The following GLRA2 variants were observed in gnomAD, a reference collection of about 807,000 sequenced individuals.
The protein encoded by GLRA2 is glycine receptor alpha 2, also known as glycine receptor subunit alpha-2.
A neutral mutation model predicts 31.6 loss-of-function variants in GLRA2; 11 were observed. The ratio of observed to expected loss-of-function variants is 0.35; its 90% CI spans 0.22 to 0.58. GLRA2 has a LOEUF of 0.58. GLRA2 is among the 20% of genes least tolerant of loss of function. GLRA2 has a pLI of 0.84. For missense variants in GLRA2, 212 were observed against 351.8 expected, an observed-to-expected ratio of 0.60 and a Z score of 3.18; for synonymous variants, 132 against 134.0, an observed-to-expected ratio of 0.99 and a Z score of 0.10.
intron 2 of GLRA2, among the ~76,000 whole-genome samples, chrX:14,538,571 C>T (rs747441811): frequency 4.5e-5 from 5 of 111,080 alleles, no homozygotes; most frequent in East Asian, 5.7e-4. Context: ...CAACCTGAAA[C>T]GGCTATTTCA....
intron 2 of GLRA2, among the ~76,000 whole-genome samples, chrX:14,550,841 C>A (rs1369443026): frequency 4.5e-5 from 5 of 111,970 alleles, no homozygotes; most frequent in Non-Finnish European, 7.5e-5. Context: ...AAAAGATGAA[C>A]AGAAGTAAAG....
At chrX:14,511,075 C>G in the GLRA2 span, among the ~76,000 whole-genome samples, 1 of 111,327 alleles carries the variant, frequency 9.0e-6, no homozygotes, top group Non-Finnish European at 1.9e-5. Context: ...CTATCCCTCC[C>G]CAGAGTGTAA....
chrX:14,707,757 G>GGTGTGTGTGTGTGTGT (rs374444365), intron 8 of GLRA2, among the ~76,000 whole-genome samples: 1 of 106,211 alleles, frequency 9.4e-6, no homozygotes, highest in African/African-American at 3.4e-5. Flanking sequence ...CAGCAAAAAA[G>GGTGTGTGTGTGTGTGT]GTGTGTGTGT....
chrX:14,706,467 ATTAAGT>A (rs2091623818), intron 8 of GLRA2, among the ~76,000 whole-genome samples: 1 of 112,558 alleles, frequency 8.9e-6, no homozygotes. Flanking sequence ...GGTAAGAAAT[ATTAAGT>A]TTATTACTGT....
chrX:14,518,739 G>A, the GLRA2 span, among the ~76,000 whole-genome samples: 1 of 109,302 alleles, frequency 9.1e-6, no homozygotes, highest in Admixed American at 9.8e-5. Flanking sequence ...GGCCAGGTGC[G>A]GTGGCTCATG....
At chrX:14,510,775 A>T in the GLRA2 span, among the ~76,000 whole-genome samples, 1 of 111,637 alleles carries the variant, frequency 9.0e-6, no homozygotes. Flanking sequence ...TTTAATACTT[A>T]AGTGGCTTCT....
the GLRA2 span, among the ~76,000 whole-genome samples, chrX:14,450,501 A>T: frequency 9.0e-6 from 1 of 111,681 alleles, no homozygotes; most frequent in Non-Finnish European, 1.9e-5. Context: ...TCCCTAGATC[A>T]CCATTCTATA....
At chrX:14,727,163 T>TA (rs781650239) in intron 8 of GLRA2, among the ~76,000 whole-genome samples, 5 of 111,000 alleles carry the variant, frequency 4.5e-5, no homozygotes, top group East Asian at 2.8e-4. Context: ...ACTGGATCTT[T>TA]AAAAAAAATA....
intron 8 of GLRA2, among the ~76,000 whole-genome samples, chrX:14,694,406 C>A (rs771202798): frequency 1.8e-5 from 2 of 111,568 alleles, no homozygotes; most frequent in Non-Finnish European, 3.8e-5. Context: ...ATGAGAGGGA[C>A]AAAGAAGTAG....
chrX:14,507,689 CTTTTTT>C, the GLRA2 span, among the ~76,000 whole-genome samples: 523 of 46,575 alleles, frequency 0.011, 3 homozygotes, highest in Non-Finnish European at 0.015. Flanking sequence ...GAAAGACATT[CTTTTTT>C]TTTTTTTTTT....
intron 7 of GLRA2, among the ~76,000 whole-genome samples, chrX:14,630,232 CT>C (rs1278100326): frequency 4.5e-5 from 5 of 111,122 alleles, no homozygotes; most frequent in African/African-American, 1.3e-4. Flanking sequence ...TTAGATGGAC[CT>C]TTTTTCCCCC....
intron 2 of GLRA2, among the ~76,000 whole-genome samples, chrX:14,554,835 C>T (rs1398440372): frequency 9.0e-6 from 1 of 111,362 alleles, no homozygotes; most frequent in Admixed American, 9.5e-5. Context: ...GTCACTTGAA[C>T]CTCTACAGGA....
At chrX:14,594,940 G>GAAA (rs533954335) in intron 4 of GLRA2, among the ~76,000 whole-genome samples, 2 of 77,476 alleles carry the variant, frequency 2.6e-5, no homozygotes, top group Non-Finnish European at 2.4e-5. Context: ...AGGTCAACAG[G>GAAA]AAAAAAAAAA....
chrX:14,698,256 T>C (rs981767714), intron 8 of GLRA2, among the ~76,000 whole-genome samples: 1 of 111,795 alleles, frequency 8.9e-6, no homozygotes, highest in African/African-American at 3.3e-5. Flanking sequence ...GGGTACCCCC[T>C]CAGATTTTGC....
At chrX:14,595,139 C>A (rs2090187702) in intron 4 of GLRA2, among the ~76,000 whole-genome samples, 1 of 110,927 alleles carries the variant, frequency 9.0e-6, no homozygotes, top group Non-Finnish European at 1.9e-5. Flanking sequence ...CTTTGATTTT[C>A]TTAGTATGAC....
chrX:14,482,520 T>A, the GLRA2 span, among the ~76,000 whole-genome samples: 3 of 111,312 alleles, frequency 2.7e-5, no homozygotes, highest in East Asian at 8.4e-4. Context: ...ATAAAATTTG[T>A]CTTTCAAATG....
At chrX:14,705,187 C>G (rs1306684674) in intron 8 of GLRA2, among the ~76,000 whole-genome samples, 1 of 112,086 alleles carries the variant, frequency 8.9e-6, no homozygotes, top group Non-Finnish European at 1.9e-5. Context: ...CTTATCCTGC[C>G]TTGCTGATAC....
intron 7 of GLRA2, among the ~76,000 whole-genome samples, chrX:14,673,102 T>C (rs2091110887): frequency 9.0e-6 from 1 of 111,372 alleles, no homozygotes; most frequent in Admixed American, 9.5e-5. Flanking sequence ...TTTCACACTA[T>C]ACTCTCATAT....
In GLRA2 at chrX:14,677,564, C is replaced by T. The variant is rs182751381; in HGVS notation, c.931-13146C>T. 3.1e-3 allele frequency among the ~76,000 whole-genome samples: 348 copies of T among 112,377 alleles called. 1 individual carries two copies. The highest frequency in any genetic ancestry group is 5.2e-3 in the Non-Finnish European group (279 of 53,249). ...TTTGGTCTACTCCTTGAAGAATTAT[C>T]TGGAAATAAACAGATATAAAATGTG... is the stretch of plus-strand genomic sequence containing the variant. On this transcript the variant is annotated intron_variant, in intron 7 of 8. Transcript: ENST00000218075.
Sources: allele counts gnomAD v4.1 joint callset (sites outside exome capture counted in the v4.1 genomes callset), GRCh38; gene constraint gnomAD v4.1.1; transcripts MANE v1.5; gene names NCBI Gene and HGNC (gene_info 2026-07-23, HGNC 2026-07-21).